The following RFX7 variants were observed in gnomAD, a reference collection of about 807,000 sequenced individuals.
The protein encoded by RFX7 is regulatory factor X7, also known as DNA-binding protein RFX7.
RFX7 carries 26 observed loss-of-function variants against 111.8 expected under a neutral mutation model. The ratio of observed to expected loss-of-function variants is 0.23; its 90% confidence interval spans 0.17 to 0.32. The LOEUF is 0.32. RFX7 is among the 10% of genes least tolerant of loss of function. The pLI, the probability that RFX7 is intolerant of heterozygous loss-of-function variation, is 1.00. For missense variants in RFX7, 1,573 were observed against 1,772.9 expected (o/e 0.89, Z 2.02); for synonymous variants, 624 against 624.4 (o/e 1.00, Z 0.01).
chr15:56,187,337 A>G (rs2043052100), intron 2 of RFX7, among the ~76,000 whole-genome samples: 1 of 151,654 alleles, frequency 6.6e-6, no homozygotes, highest in African/African-American at 2.4e-5. Flanking sequence ...CGGCCTCCTG[A>G]GTAGCTGGGA....
intron 2 of RFX7, 122 bp downstream of exon 2, chr15:56,243,002 GA>G: frequency 1.4e-6 from 1 of 721,408 alleles, no homozygotes; most frequent in Non-Finnish European, 2.1e-6. Flanking sequence ...CCCGACTGGG[GA>G]AAGCCACATT....
In RFX7 at chr15:56,166,589, A is replaced by G. The variant is rs553109222; in HGVS notation, c.195+12681T>C. ...TACTATTTCATAAATATTGTGTTTC[A>G]TAACACCAGTTTCATGAGAAGTTGT... On this transcript the variant is annotated intron_variant, in intron 3 of 9. Coordinates refer to ENST00000559447, the MANE Select transcript of RFX7 (RefSeq NM_022841.7). 4.8e-3 allele frequency among the ~76,000 whole-genome samples: 737 copies of G among 152,338 alleles called. 3 individuals are homozygous for G. The highest frequency in any genetic ancestry group is 8.9e-3 in the Non-Finnish European group (608 of 68,032).
intron 5 of RFX7, among the ~76,000 whole-genome samples, chr15:56,138,308 G>T (rs1463226677): frequency 6.7e-6 from 1 of 149,406 alleles, no homozygotes; most frequent in South Asian, 2.2e-4. Flanking sequence ...CTTGTATTGG[G>T]TGCATATATA....
chr15:56,214,491 G>T (rs898280108), intron 2 of RFX7, among the ~76,000 whole-genome samples: 5 of 151,908 alleles, frequency 3.3e-5, no homozygotes, highest in Non-Finnish European at 7.4e-5. Flanking sequence ...CGAGGTGGGC[G>T]GATCACGAGG....
intron 5 of RFX7, among the ~76,000 whole-genome samples, chr15:56,116,991 C>G (rs1416109385): frequency 2.0e-5 from 3 of 152,064 alleles, no homozygotes; most frequent in African/African-American, 7.2e-5. Context: ...GAAGCCAGGA[C>G]AGAGGTTACC....
At chr15:56,149,341 T>G (rs1312590681) in intron 3 of RFX7, among the ~76,000 whole-genome samples, 9 of 152,184 alleles carry the variant, frequency 5.9e-5, no homozygotes, top group Admixed American at 5.9e-4. Flanking sequence ...CTGATTAATA[T>G]AAAAATTAGA....
intron 5 of RFX7, among the ~76,000 whole-genome samples, chr15:56,138,056 A>AGGTGT (rs1416497203): frequency 6.8e-6 from 1 of 146,472 alleles, no homozygotes. Context: ...ATTTTGGAAT[A>AGGTGT]GGTGTGGTGT....
chr15:56,200,448 C>G lies in RFX7; in HGVS notation c.162-21145G>C, dbSNP rs573985507. Among the ~76,000 whole-genome samples the G allele has an allele frequency of 2.6e-5, 4 of 152,206 alleles. No individual in the cohort carries two copies. In the Middle Eastern group the frequency reaches 0.01, roughly 388 times the overall value. On this transcript the variant is annotated intron_variant, in intron 2 of 9. Coordinates refer to ENST00000559447, the MANE Select transcript of RFX7 (RefSeq NM_022841.7). ...TCACTGGATTGCACAGTGGGGAAAACAACTCTTCTTCTCCTACTGCATAGT... is the reference window on the plus strand; with the variant it reads ...TCACTGGATTGCACAGTGGGGAAAAGAACTCTTCTTCTCCTACTGCATAGT...
At chr15:56,100,958 T>C (rs2041744098) in intron 8 of RFX7, among the ~76,000 whole-genome samples, 1 of 152,206 alleles carries the variant, frequency 6.6e-6, no homozygotes, top group South Asian at 2.1e-4. Context: ...GTTTCTGGAA[T>C]GGGAATCTAA....
rs2042646922 is a variant in RFX7, at chr15:56,155,936, A to G, written c.196-11453T>C. Among the ~76,000 whole-genome samples, 4 of 152,216 alleles carry G rather than the reference A, an allele frequency of 2.6e-5. No individual in the cohort carries two copies. In the South Asian group the frequency reaches 8.3e-4, roughly 32 times the overall value. ...GGGCAAAAAATGGTTTATAAGCACC[A>G]GTTTAGAATATACAGCCTTCATGCT... is the stretch of plus-strand genomic sequence containing the variant. On this transcript the variant is annotated intron_variant, in intron 3 of 9. Transcript: ENST00000559447.
In RFX7 at chr15:56,087,303, T is replaced by A. The variant is rs897559936; in HGVS notation, c.*6042A>T. ...AATGTGAGTTAAACCAGAAAGACAT[T>A]TATTTCTCTCATGTAAAACACATCC... On this transcript the variant is annotated 3_prime_UTR_variant, in exon 10 of 10. Transcript: ENST00000559447. The A allele has an allele frequency of 2.2e-5, 8 of 368,538 alleles. No individual in the cohort carries two copies. The highest frequency in any genetic ancestry group is 4.3e-5 in the Non-Finnish European group (8 of 184,698). 22.8% of individuals were successfully genotyped at this position (368,538 alleles called of 1,614,324 possible).
At chr15:56,175,288 C>G (rs372284740) in intron 3 of RFX7, among the ~76,000 whole-genome samples, 245 of 152,242 alleles carry the variant, frequency 1.6e-3, no homozygotes, top group African/African-American at 5.7e-3. Flanking sequence ...GAAGAACCAA[C>G]TGAAATGGAG....
At chr15:56,122,393 C>T (rs542709709) in intron 5 of RFX7, among the ~76,000 whole-genome samples, 7 of 152,344 alleles carry the variant, frequency 4.6e-5, no homozygotes, top group Admixed American at 3.3e-4. Context: ...GTCTCTCCCT[C>T]TCTCTAGGCT....
At chr15:56,112,978 C>T (rs1177649377) in intron 5 of RFX7, among the ~76,000 whole-genome samples, 1 of 151,986 alleles carries the variant, frequency 6.6e-6, no homozygotes, top group Non-Finnish European at 1.5e-5. Flanking sequence ...GTCAGAATGG[C>T]GATTATTAAA....
intron 5 of RFX7, among the ~76,000 whole-genome samples, chr15:56,135,476 T>C (rs1238395838): frequency 1.2e-4 from 18 of 152,208 alleles, no homozygotes; most frequent in Middle Eastern, 3.4e-3. Context: ...GTTTTTTTCT[T>C]GTAAATTTGT....
At chr15:56,172,723 A>C (rs1240284889) in intron 3 of RFX7, among the ~76,000 whole-genome samples, 1 of 152,218 alleles carries the variant, frequency 6.6e-6, no homozygotes, top group Non-Finnish European at 1.5e-5. Flanking sequence ...AGAAAAGAAG[A>C]GGCGAGTTTA....
intron 6 of RFX7, among the ~76,000 whole-genome samples, chr15:56,103,036 T>G (rs1321143558): frequency 1.3e-5 from 2 of 152,154 alleles, no homozygotes; most frequent in African/African-American, 2.4e-5. Context: ...GGACCTTTTC[T>G]GTACTCTGGC....
chr15:56,124,364 G>A (rs1306755593), intron 5 of RFX7, among the ~76,000 whole-genome samples: 1 of 151,692 alleles, frequency 6.6e-6, no homozygotes, highest in East Asian at 1.9e-4. Flanking sequence ...GGAGCTTGCA[G>A]TGAGCCGAGA....
In RFX7 at chr15:56,093,956, C is replaced by T; in HGVS notation, c.3772G>A (p.Asp1258Asn). 6.2e-7 allele frequency: 1 copy of T among 1,613,958 alleles called. No homozygotes were observed. The highest frequency in any genetic ancestry group is 8.5e-7 in the Non-Finnish European group (1 of 1,179,876). ...CTCACTGCATCATCATTGTCGGAAT[C>T]AAGTTTACTCAACAAAACATTGGTT... ...KITNVLLSKL[D>N]SDNDDAVRGL... Residue 1258 changes from aspartate to asparagine, a missense_variant, in exon 10 of 10, where the codon GAT becomes AAT. Coordinates refer to ENST00000559447, the MANE Select transcript of RFX7 (RefSeq NM_022841.7).
Sources: gnomAD v4.1 joint callset for allele counts (sites outside exome capture counted in the v4.1 genomes callset) on GRCh38, gnomAD v4.1.1 for gene constraint, MANE v1.5 for transcripts, NCBI Gene and HGNC (gene_info 2026-07-23, HGNC 2026-07-21) for gene names.